ARHGAP35: variants seen among roughly 807,000 people sequenced by gnomAD.
ARHGAP35 encodes the protein Rho GTPase activating protein 35.
In ARHGAP35, 15 loss-of-function variants were observed where a neutral mutation model predicts 111.1. The ratio of observed to expected loss-of-function variants is 0.13; its 90% CI spans 0.09 to 0.21. The LOEUF (loss-of-function observed/expected upper bound fraction) is 0.21. Ranked by LOEUF, ARHGAP35 falls within the 10% of genes least tolerant of loss-of-function variation. ARHGAP35 has a pLI of 1.00. For synonymous variants in ARHGAP35, 643 were observed against 710.3 expected, an observed-to-expected ratio of 0.91 and a Z score of 1.51; for missense variants, 1,262 against 1,873.0, an observed-to-expected ratio of 0.67 and a Z score of 6.02.
intron 3 of ARHGAP35, chr19:46,948,760 G>A (rs2056395250): frequency 6.6e-6 from 1 of 152,226 alleles, no homozygotes; most frequent in Non-Finnish European, 1.5e-5. Flanking sequence ...TGGAAGCTGG[G>A]ATGGCAAGAA....
intron 3 of ARHGAP35, among the ~76,000 whole-genome samples, chr19:46,985,007 C>A (rs2056641653): frequency 6.6e-6 from 1 of 152,218 alleles, no homozygotes; most frequent in South Asian, 2.1e-4. Context: ...GACATTGCTG[C>A]ATTATTCCGG....
chr19:46,967,789 A>T (rs2122285437), intron 3 of ARHGAP35, among the ~76,000 whole-genome samples: 1 of 152,004 alleles, frequency 6.6e-6, no homozygotes, highest in Non-Finnish European at 1.5e-5. Context: ...CTGCCATTAT[A>T]TTTCTCACCC....
intron 3 of ARHGAP35, among the ~76,000 whole-genome samples, chr19:46,942,622 G>T (rs2122233698): frequency 6.6e-6 from 1 of 152,154 alleles, no homozygotes; most frequent in South Asian, 2.1e-4. Context: ...GGGCGACAAA[G>T]TAAGACTCTG....
intron 1 of ARHGAP35, among the ~76,000 whole-genome samples, chr19:46,862,098 C>T (rs531428968): frequency 2.6e-5 from 4 of 152,132 alleles, no homozygotes; most frequent in Non-Finnish European, 5.9e-5. Flanking sequence ...CCTTTCCTCT[C>T]TTCCAGACCT....
chr19:46,970,042 T>C (rs748055730), intron 3 of ARHGAP35, among the ~76,000 whole-genome samples: 16 of 152,140 alleles, frequency 1.1e-4, no homozygotes, highest in Non-Finnish European at 2.2e-4. Flanking sequence ...CTGTGACCCA[T>C]AGTAGGCACT....
At chr19:46,942,442 G>A (rs1175211934) in intron 3 of ARHGAP35, among the ~76,000 whole-genome samples, 1 of 152,004 alleles carries the variant, frequency 6.6e-6, no homozygotes, top group South Asian at 2.1e-4. Context: ...AGACCAGCCT[G>A]ACCAACATGG....
At chr19:46,866,690 G>C (rs926621536) in intron 1 of ARHGAP35, among the ~76,000 whole-genome samples, 1 of 152,130 alleles carries the variant, frequency 6.6e-6, no homozygotes, top group Non-Finnish European at 1.5e-5. Flanking sequence ...GTAACCCAGA[G>C]TCTGTGTAGG....
At chr19:46,973,494 C>A (rs1457601225) in intron 3 of ARHGAP35, among the ~76,000 whole-genome samples, 1 of 151,476 alleles carries the variant, frequency 6.6e-6, no homozygotes, top group Non-Finnish European at 1.5e-5. Context: ...TCGAGACTAT[C>A]CTGGCTAACA....
intron 1 of ARHGAP35, among the ~76,000 whole-genome samples, chr19:46,875,187 G>T (rs146231221): frequency 2.0e-5 from 3 of 151,984 alleles, no homozygotes; most frequent in African/African-American, 4.8e-5. Context: ...TTAACAAGAC[G>T]TCTACACATA....
At chr19:46,998,332 C>T (rs1163557565) in intron 5 of ARHGAP35, among the ~76,000 whole-genome samples, 3 of 152,306 alleles carry the variant, frequency 2.0e-5, no homozygotes, top group African/African-American at 7.2e-5. Context: ...CCATCTCCTT[C>T]GTGAGACCCT....
intron 3 of ARHGAP35, among the ~76,000 whole-genome samples, chr19:46,971,575 C>T (rs1400787369): frequency 1.3e-5 from 2 of 150,838 alleles, no homozygotes; most frequent in Non-Finnish European, 3.0e-5. Context: ...TCTCGGCTCA[C>T]TGCAACTTCC....
chr19:46,977,148 G>A (rs1221189465), intron 3 of ARHGAP35, among the ~76,000 whole-genome samples: 1 of 152,224 alleles, frequency 6.6e-6, no homozygotes, highest in Non-Finnish European at 1.5e-5. Context: ...AGCTTCTGCA[G>A]GGGGCGTGGC....
chr19:46,901,324 G>A lies in ARHGAP35; in HGVS notation c.-188-17164G>A, dbSNP rs1306283842. Among the ~76,000 whole-genome samples, 2 of 152,312 alleles carry A rather than the reference G, an allele frequency of 1.3e-5. No individual in the cohort carries two copies. Among genetic ancestry groups the A allele is most frequent in the African/African-American group, 4.8e-5 (2 of 41,576 alleles). On this transcript the variant is annotated intron_variant, in intron 1 of 6. Transcript: ENST00000672722. The surrounding 1 kb of genome is among the most constrained non-coding windows in gnomAD (Gnocchi z 4.5). Reference sequence around the variant, plus strand: ...TGTAATCCCAGCACTTCGGGAGGCCGAGGCAGGTGGATCACTTGAGGTCAG... The same window carrying A: ...TGTAATCCCAGCACTTCGGGAGGCCAAGGCAGGTGGATCACTTGAGGTCAG...
In ARHGAP35 at chr19:46,921,603, G is replaced by A. The variant is rs372055367; in HGVS notation, c.2928G>A (p.Pro976=). 3.2e-4 allele frequency: 510 copies of A among 1,613,774 alleles called. No individual in the cohort carries two copies. The highest frequency in any genetic ancestry group is 4.1e-4 in the Non-Finnish European group (488 of 1,179,880). The change falls in exon 2 of 7, where the codon CCG becomes CCA. Residue 976 remains proline, a synonymous_variant. Transcript: ENST00000672722. This position sits in a 1 kb window ranked among gnomAD's most constrained non-coding sequence, Gnocchi z 4.3. Reference sequence around the variant, plus strand: ...TTAACTCCCCCCGGGCAGGATCACCGCTCTGCAACTCAAACCTGCAGGATT... The same window carrying A: ...TTAACTCCCCCCGGGCAGGATCACCACTCTGCAACTCAAACCTGCAGGATT... ...EVFNSPRAGS[P]LCNSNLQDSE... is the part of the protein sequence containing the mutation.
intron 1 of ARHGAP35, among the ~76,000 whole-genome samples, chr19:46,879,611 T>TAAATAAATAAATAAATAAATAAATAA (rs941223041): frequency 9.0e-5 from 7 of 77,766 alleles, no homozygotes; most frequent in South Asian, 3.9e-4. Flanking sequence ...AATAAATAAA[T>TAAATAAATAAATAAATAAATAAATAA]AAATAAAAAT....
chr19:46,991,077 T>C (rs570922101), intron 5 of ARHGAP35, among the ~76,000 whole-genome samples: 51 of 152,116 alleles, frequency 3.4e-4, no homozygotes, highest in African/African-American at 1.2e-3. Flanking sequence ...CCAGGGGAGT[T>C]AGTGGGTGGG....
At chr19:46,935,365 C>T (rs1236269795) in intron 2 of ARHGAP35, among the ~76,000 whole-genome samples, 2 of 152,212 alleles carry the variant, frequency 1.3e-5, no homozygotes, top group Non-Finnish European at 2.9e-5. Flanking sequence ...GTAATCTCAC[C>T]CAGCAGCCCA....
chr19:46,861,048 G>A lies in ARHGAP35; in HGVS notation c.-350G>A, dbSNP rs2055822628. Reference sequence around the variant, plus strand: ...GGCAGGAGGAGGTGGAGGAGGCGGAGGAGGGAACCCGCGAGGGAGGGTCCG... The same window carrying A: ...GGCAGGAGGAGGTGGAGGAGGCGGAAGAGGGAACCCGCGAGGGAGGGTCCG... On this transcript the variant is annotated 5_prime_UTR_variant, in exon 1 of 7. Transcript: ENST00000672722. Among the ~76,000 whole-genome samples, 1 of 151,190 alleles carries A rather than the reference G, an allele frequency of 6.6e-6. No homozygotes were observed. The highest frequency in any genetic ancestry group is 2.4e-5 in the African/African-American group (1 of 41,244).
intron 1 of ARHGAP35, among the ~76,000 whole-genome samples, chr19:46,911,616 G>C (rs2056138144): frequency 6.6e-6 from 1 of 152,180 alleles, no homozygotes; most frequent in Non-Finnish European, 1.5e-5. Flanking sequence ...TCCTTGTTGA[G>C]TTTGATGGAA....
Sources: gnomAD v4.1 joint callset for allele counts (sites outside exome capture counted in the v4.1 genomes callset) on GRCh38, gnomAD v4.1.1 for gene constraint, Gnocchi (gnomAD v3.1) non-coding constraint, MANE v1.5 for transcripts, NCBI Gene and HGNC (gene_info 2026-07-23, HGNC 2026-07-21) for gene names.